The following PCDHA5 variants were observed in gnomAD, a reference collection of about 807,000 sequenced individuals.
The protein encoded by PCDHA5 is protocadherin alpha 5.
PCDHA5 carries 43 observed loss-of-function variants against 61.6 expected under a neutral mutation model. That is an observed-to-expected ratio of 0.70 (90% CI 0.55 to 0.90). The LOEUF (loss-of-function observed/expected upper bound fraction) is 0.90. PCDHA5 is among the 40% of genes least tolerant of loss of function. The probability of loss-of-function intolerance (pLI) is 0.00; values close to 1 mark genes in which losing one functional copy is unlikely to be tolerated. For missense variants in PCDHA5, 1,298 were observed against 1,222.7 expected, an observed-to-expected ratio of 1.06 and a Z score of -0.92; for synonymous variants, 627 against 543.9, an observed-to-expected ratio of 1.15 and a Z score of -2.13.
intron 1 of PCDHA5, chr5:140,883,054 C>T: frequency 6.2e-7 from 1 of 1,614,072 alleles, no homozygotes; most frequent in South Asian, 1.1e-5. Context: ...CATTAGTGAT[C>T]AAGCTAAATG....
In PCDHA5 at chr5:140,822,776, AAGT is replaced by A. The variant is rs2150119362; in HGVS notation, c.1008_1010del (p.Val337del). On this transcript the variant is annotated inframe_deletion, in exon 1 of 4. Coordinates refer to ENST00000529859, the MANE Select transcript of PCDHA5 (RefSeq NM_018908.3). ...ACATTCCCATTATCAGGACACTGTA[AAGT>A]AGTAGTGAAACTCCTGGATGTGAAT... The A allele has an allele frequency of 3.7e-6, 6 of 1,614,134 alleles. No individual in the cohort carries two copies. In the South Asian group the frequency reaches 6.6e-5, roughly 18 times the overall value.
intron 1 of PCDHA5, among the ~76,000 whole-genome samples, chr5:140,949,542 T>G (rs1418281515): frequency 6.6e-6 from 1 of 151,916 alleles, no homozygotes; most frequent in East Asian, 1.9e-4. Context: ...AATATCGATT[T>G]GTTGCTGGTC....
At chr5:140,888,213 T>A (rs1460298215) in intron 1 of PCDHA5, among the ~76,000 whole-genome samples, 1 of 152,170 alleles carries the variant, frequency 6.6e-6, no homozygotes, top group East Asian at 1.9e-4. Context: ...CTGGATTTTG[T>A]GTGTGTGTGC....
intron 1 of PCDHA5, chr5:140,865,758 G>A (rs2048989245): frequency 6.6e-6 from 1 of 152,150 alleles, no homozygotes; most frequent in African/African-American, 2.4e-5. Flanking sequence ...CCAGTACATG[G>A]TGGAGATATT....
chr5:140,991,386 G>T (rs1044991848), intron 3 of PCDHA5, among the ~76,000 whole-genome samples: 2 of 152,168 alleles, frequency 1.3e-5, no homozygotes, highest in African/African-American at 4.8e-5. Context: ...CAACTGTAGG[G>T]TGTCTGTATT....
intron 3 of PCDHA5, among the ~76,000 whole-genome samples, chr5:140,991,033 T>C (rs2097428117): frequency 6.6e-6 from 1 of 152,212 alleles, no homozygotes; most frequent in African/African-American, 2.4e-5. Context: ...ATATGTTGCA[T>C]ACTTAACTTT....
chr5:140,894,956 A>T (rs2064745767), intron 1 of PCDHA5, among the ~76,000 whole-genome samples: 1 of 152,208 alleles, frequency 6.6e-6, no homozygotes, highest in South Asian at 2.1e-4. Context: ...AATGATAAAA[A>T]TATAATTTTT....
At chr5:140,877,811 GAGA>G in intron 1 of PCDHA5, 1 of 1,610,242 alleles carries the variant, frequency 6.2e-7, no homozygotes, top group African/African-American at 1.3e-5. Flanking sequence ...CAGCTGTCTC[GAGA>G]AGATTGTTTA....
intron 1 of PCDHA5, among the ~76,000 whole-genome samples, chr5:140,959,354 A>C (rs1021119947): frequency 2.0e-5 from 3 of 152,244 alleles, no homozygotes; most frequent in African/African-American, 7.2e-5. Context: ...CAGCGGGACA[A>C]CTGAGTGAGA....
rs1767971834 is a variant in PCDHA5 at position 140,824,021 on chromosome 5, A to C, written c.2246A>C (p.Tyr749Ser). Reference sequence around the variant, plus strand: ...TCCAGCGCGGTGGGGAGCTGGTCGTACTCGCAGCAGAGGAGACAGAGGGTG... The same window carrying C: ...TCCAGCGCGGTGGGGAGCTGGTCGTCCTCGCAGCAGAGGAGACAGAGGGTG... ...LCSSAVGSWS[Y>S]SQQRRQRVCS... The change falls in exon 1 of 4, where the codon TAC becomes TCC. Residue 749 changes from tyrosine to serine, a missense_variant. Tyr to Ser is a moderately radical substitution (Grantham distance 144). Transcript: ENST00000529859. The C allele has an allele frequency of 6.8e-6, 11 of 1,613,948 alleles. No homozygotes were observed. Among genetic ancestry groups the C allele is most frequent in the Non-Finnish European group, 9.3e-6 (11 of 1,179,966 alleles).
intron 1 of PCDHA5, among the ~76,000 whole-genome samples, chr5:140,961,327 AGAGACCAAGAGTG>A (rs1375426442): frequency 6.6e-6 from 1 of 152,206 alleles, no homozygotes. Context: ...CTGTTTCTTG[AGAGACCAAGAGTG>A]GATCCCTGTA....
chr5:140,859,927 A>G (rs1296278263), intron 1 of PCDHA5: 2 of 152,054 alleles, frequency 1.3e-5, no homozygotes, highest in African/African-American at 2.4e-5. Context: ...AGTAATATAA[A>G]AAACTTAGTA....
At chr5:140,852,926 T>A in intron 1 of PCDHA5, 3 of 649,848 alleles carry the variant, frequency 4.6e-6, no homozygotes, top group Non-Finnish European at 5.9e-6. Flanking sequence ...TTGCCCAGGC[T>A]GGAGTGCAGT....
At chr5:140,980,494 A>T (rs868915196) in intron 2 of PCDHA5, among the ~76,000 whole-genome samples, 1 of 152,106 alleles carries the variant, frequency 6.6e-6, no homozygotes, top group African/African-American at 2.4e-5. Context: ...GCTGGGCGTG[A>T]TGGCATGTGC....
chr5:140,916,582 A>G (rs1191941149), intron 1 of PCDHA5, among the ~76,000 whole-genome samples: 7 of 152,188 alleles, frequency 4.6e-5, no homozygotes, highest in Non-Finnish European at 1.0e-4. Flanking sequence ...AATGTCATCC[A>G]TGAGCTAGGG....
rs983313958 is a variant in PCDHA5 at position 140,856,486 on chromosome 5, G to A, written c.2352+32359G>A. The A allele has an allele frequency of 4.4e-6, 7 of 1,598,346 alleles. No homozygotes were observed. The Middle Eastern group carries it at 1.0e-3, about 228-fold the overall frequency. On this transcript the variant is annotated intron_variant, in intron 1 of 3. Transcript: ENST00000529859. ...AGCTCTCAATACCTGAATCCAGACTGCTTGACTCTCGATTTCCACTAGAAG... is the reference window on the plus strand; with the variant it reads ...AGCTCTCAATACCTGAATCCAGACTACTTGACTCTCGATTTCCACTAGAAG...
intron 1 of PCDHA5, among the ~76,000 whole-genome samples, chr5:140,887,774 C>G (rs2061572628): frequency 6.6e-6 from 1 of 152,168 alleles, no homozygotes; most frequent in Non-Finnish European, 1.5e-5. Context: ...TACAATGACA[C>G]AGGTCATTGA....
intron 1 of PCDHA5, chr5:140,884,652 G>A (rs2060303446): frequency 6.2e-7 from 1 of 1,603,582 alleles, no homozygotes; most frequent in Non-Finnish European, 8.5e-7. Flanking sequence ...GACTCAGAAT[G>A]CTTGAAAGAG....
chr5:141,001,017 A>G (rs1414857051), intron 3 of PCDHA5, among the ~76,000 whole-genome samples: 2 of 152,240 alleles, frequency 1.3e-5, no homozygotes, highest in Admixed American at 1.3e-4. Flanking sequence ...TTAGATATAC[A>G]CTTATAATAA....
Sources: gnomAD v4.1 joint callset for allele counts (sites outside exome capture counted in the v4.1 genomes callset) on GRCh38, gnomAD v4.1.1 for gene constraint, MANE v1.5 for transcripts, NCBI Gene and HGNC (gene_info 2026-07-23, HGNC 2026-07-21) for gene names.